PRKCB: variants seen among roughly 807,000 people sequenced by gnomAD.
PRKCB encodes protein kinase C beta type.
PRKCB carries 13 observed loss-of-function variants against 81.5 expected under a neutral mutation model. The ratio of observed to expected loss-of-function variants is 0.16; its 90% CI spans 0.10 to 0.25. The LOEUF (loss-of-function observed/expected upper bound fraction) is 0.25. Ranked by LOEUF, PRKCB falls within the 10% of genes least tolerant of loss-of-function variation. The pLI is 1.00. For synonymous variants in PRKCB, 335 were observed against 321.4 expected, an observed-to-expected ratio of 1.04 and a Z score of -0.45; for missense variants, 509 against 875.7, an observed-to-expected ratio of 0.58 and a Z score of 5.29.
At chr16:24,167,516 C>A (rs141313134) in intron 10 of PRKCB, among the ~76,000 whole-genome samples, 11 of 151,694 alleles carry the variant, frequency 7.3e-5, no homozygotes, top group African/African-American at 2.7e-4. Flanking sequence ...GCAGAGATCA[C>A]GCCATTGTAC....
Position 24,219,032 on chromosome 16 carries a change from G to A in PRKCB, c.*4216G>A, listed in dbSNP as rs1968277756. On this transcript the variant is annotated 3_prime_UTR_variant, in exon 17 of 17. Transcript: ENST00000643927. ...CCAGCTCCACCTGCCCCAGGTGGGT[G>A]TGGTGATGATGAGGAAAGACAAGAG... The A allele has an allele frequency of 1.0e-6, 1 of 985,338 alleles. No individual in the cohort carries two copies. The highest frequency in any genetic ancestry group is 1.1e-4 in the East Asian group (1 of 8,828). 61.0% of individuals were successfully genotyped at this position (985,338 alleles called of 1,614,324 possible). A position where few individuals can be genotyped will look rare whatever the true frequency, so the allele number is the denominator to read the frequency against.
intron 3 of PRKCB, among the ~76,000 whole-genome samples, chr16:23,992,548 C>T (rs1174192560): frequency 7.2e-5 from 11 of 152,166 alleles, no homozygotes; most frequent in Admixed American, 7.2e-4. Context: ...CATATAATGA[C>T]TTGCTCCTAA....
At chr16:23,963,490 T>C (rs1465477181) in intron 2 of PRKCB, 2 of 152,226 alleles carry the variant, frequency 1.3e-5, no homozygotes, top group African/African-American at 2.4e-5. Context: ...CCATGGATCA[T>C]TGAAGCTTTG....
intron 8 of PRKCB, among the ~76,000 whole-genome samples, chr16:24,115,173 C>G (rs1966722110): frequency 6.6e-6 from 1 of 152,114 alleles, no homozygotes; most frequent in Non-Finnish European, 1.5e-5. Flanking sequence ...GTACGTAGGG[C>G]TGTGCTGGCC....
chr16:24,149,891 T>A (rs564764580), intron 9 of PRKCB, among the ~76,000 whole-genome samples: 50 of 152,298 alleles, frequency 3.3e-4, no homozygotes, highest in African/African-American at 1.2e-3. Flanking sequence ...TGGAGGAACA[T>A]AAAGGTTTCA....
intron 2 of PRKCB, among the ~76,000 whole-genome samples, chr16:23,897,646 A>AAGT (rs1252627665): frequency 6.6e-6 from 1 of 152,076 alleles, no homozygotes; most frequent in East Asian, 1.9e-4. Flanking sequence ...GCAACTGACT[A>AAGT]AGTTCTGGTA....
At chr16:23,875,480 G>GAGAT (rs1254251753) in intron 2 of PRKCB, among the ~76,000 whole-genome samples, 8 of 4,646 alleles carry the variant, frequency 1.7e-3, no homozygotes, top group African/African-American at 4.1e-3. Context: ...CAACTAAAAA[G>GAGAT]ATATATATAT....
At chr16:23,982,345 C>CTTCCCT (rs1964749444) in intron 2 of PRKCB, among the ~76,000 whole-genome samples, 1 of 140,364 alleles carries the variant, frequency 7.1e-6, no homozygotes, top group Non-Finnish European at 1.6e-5. Context: ...TTCCCTTTCC[C>CTTCCCT]TTCCCTTTCC....
chr16:23,999,322 C>G (rs1833950558), intron 3 of PRKCB, among the ~76,000 whole-genome samples: 1 of 152,232 alleles, frequency 6.6e-6, no homozygotes, highest in African/African-American at 2.4e-5. Context: ...TGGTTGCATC[C>G]TCTACCCTCT....
chr16:23,980,923 T>C (rs1396059464), intron 2 of PRKCB, among the ~76,000 whole-genome samples: 2 of 152,020 alleles, frequency 1.3e-5, no homozygotes, highest in East Asian at 3.9e-4. Flanking sequence ...AGAGTTGAGA[T>C]CTCAGTGCTT....
At chr16:24,072,120 G>T (rs114007318) in intron 5 of PRKCB, among the ~76,000 whole-genome samples, 186 of 151,312 alleles carry the variant, frequency 1.2e-3, no homozygotes, top group African/African-American at 4.5e-3. Flanking sequence ...ACAGTTCAGC[G>T]GCATTTAGTA....
At chr16:24,017,538 C>T (rs559855606) in intron 3 of PRKCB, among the ~76,000 whole-genome samples, 1 of 151,924 alleles carries the variant, frequency 6.6e-6, no homozygotes, top group Admixed American at 6.6e-5. Context: ...ATGCGTTATA[C>T]GTTGAAAAAA....
chr16:24,154,588 T>C (rs1435585579), intron 9 of PRKCB, 96 bp from the exon 10 acceptor site: 1 of 1,247,208 alleles, frequency 8.0e-7, no homozygotes, highest in Admixed American at 2.0e-5. Context: ...AAGGCACCTA[T>C]ACAAAGCTAA....
intron 13 of PRKCB, among the ~76,000 whole-genome samples, chr16:24,182,666 T>A (rs968868089): frequency 6.6e-6 from 1 of 152,204 alleles, no homozygotes. Context: ...CCGAAGGTGA[T>A]GTGGTTAGCT....
chr16:24,047,102 T>A (rs1023342735), intron 5 of PRKCB, among the ~76,000 whole-genome samples: 5 of 150,832 alleles, frequency 3.3e-5, no homozygotes, highest in Admixed American at 1.3e-4. Flanking sequence ...ACTTGGGGAG[T>A]CTGAGGTGGG....
chr16:24,029,690 T>C (rs558410844), intron 3 of PRKCB, among the ~76,000 whole-genome samples: 8 of 152,288 alleles, frequency 5.3e-5, no homozygotes, highest in Non-Finnish European at 1.2e-4. Context: ...AGAATATCTA[T>C]GTAGTATGTC....
intron 2 of PRKCB, among the ~76,000 whole-genome samples, chr16:23,845,414 C>T (rs887916308): frequency 3.3e-5 from 5 of 151,418 alleles, no homozygotes; most frequent in Admixed American, 3.3e-4. Context: ...TCTGAGGTAA[C>T]TGGAGAAAGT....
chr16:23,918,019 T>G (rs1018900315), intron 2 of PRKCB, among the ~76,000 whole-genome samples: 21 of 152,096 alleles, frequency 1.4e-4, no homozygotes, highest in Admixed American at 7.9e-4. Context: ...ATTACTAAGA[T>G]GAGAGGAAAA....
intron 2 of PRKCB, among the ~76,000 whole-genome samples, chr16:23,975,100 C>G (rs923476512): frequency 6.6e-6 from 1 of 152,208 alleles, no homozygotes; most frequent in Admixed American, 6.5e-5. Context: ...GCAGGCAAAG[C>G]CAACAGACAC....
Sources: gnomAD v4.1 joint callset for allele counts (sites outside exome capture counted in the v4.1 genomes callset) on GRCh38, gnomAD v4.1.1 for gene constraint, MANE v1.5 for transcripts, NCBI Gene and HGNC (gene_info 2026-07-23, HGNC 2026-07-21) for gene names.